PHACTR4: variants seen among roughly 807,000 people sequenced by gnomAD.
PHACTR4 encodes the protein phosphatase and actin regulator 4, also known as protein phosphatase 1, regulatory subunit 124.
Under a neutral mutation model 72.7 loss-of-function variants are expected in PHACTR4, and 51 were observed. The ratio of observed to expected loss-of-function variants is 0.70; its 90% confidence interval spans 0.56 to 0.89. The LOEUF is 0.89. PHACTR4 is among the 40% of genes least tolerant of loss of function. PHACTR4 has a pLI of 0.00. For synonymous variants in PHACTR4, 255 were observed against 302.5 expected, an observed-to-expected ratio of 0.84 and a Z score of 1.63; for missense variants, 731 against 861.8, an observed-to-expected ratio of 0.85 and a Z score of 1.90.
At chr1:28,429,815 C>T (rs1656120721) in intron 2 of PHACTR4, among the ~76,000 whole-genome samples, 1 of 152,110 alleles carries the variant, frequency 6.6e-6, no homozygotes, top group Non-Finnish European at 1.5e-5. Flanking sequence ...TACTTAATAA[C>T]AGAGTATGAT....
chr1:28,393,418 G>A (rs1653216782), intron 1 of PHACTR4, among the ~76,000 whole-genome samples: 1 of 152,074 alleles, frequency 6.6e-6, no homozygotes, highest in African/African-American at 2.4e-5. Flanking sequence ...GTCAATGCTG[G>A]ACTGCACAAA....
intron 1 of PHACTR4, among the ~76,000 whole-genome samples, chr1:28,375,656 A>T (rs1557770999): frequency 6.6e-6 from 1 of 152,210 alleles, no homozygotes; most frequent in Non-Finnish European, 1.5e-5. Flanking sequence ...ACCACACTAC[A>T]GCCTGTGTGG....
At chr1:28,390,363 A>G (rs570377051) in intron 1 of PHACTR4, among the ~76,000 whole-genome samples, 129 of 152,304 alleles carry the variant, frequency 8.5e-4, no homozygotes, top group African/African-American at 2.8e-3. Context: ...GTCAAACTCA[A>G]TCTTACAATT....
At chr1:28,373,001 C>G (rs76297393) in intron 1 of PHACTR4, among the ~76,000 whole-genome samples, 1 of 151,888 alleles carries the variant, frequency 6.6e-6, no homozygotes, top group Non-Finnish European at 1.5e-5. Context: ...TTCTGTCCCC[C>G]AGGTGGAGTA....
chr1:28,412,517 G>T (rs1007421390), intron 2 of PHACTR4, among the ~76,000 whole-genome samples: 9 of 152,084 alleles, frequency 5.9e-5, no homozygotes, highest in African/African-American at 2.2e-4. Flanking sequence ...CATTCTTAAA[G>T]TTGAATTTAT....
chr1:28,490,832 A>G, intron 10 of PHACTR4, 119 bp from the exon 11 acceptor site: 2 of 1,063,328 alleles, frequency 1.9e-6, no homozygotes, highest in Non-Finnish European at 2.8e-6. Flanking sequence ...AACAAGAGCA[A>G]AACTCCGTCT....
rs545834464 is a variant in PHACTR4 at position 28,402,040 on chromosome 1, G to A, written c.-38-5370G>A. On this transcript the variant is annotated intron_variant, in intron 1 of 13. Transcript: ENST00000373839. ...ATAGCTTAGACTAGAGTGAGAAGTGGTTAAATTATGGATATCTTTTGGAGG... is the reference window on the plus strand; with the variant it reads ...ATAGCTTAGACTAGAGTGAGAAGTGATTAAATTATGGATATCTTTTGGAGG... Among the ~76,000 whole-genome samples, 15 of 152,242 alleles carry A rather than the reference G, an allele frequency of 9.9e-5. No homozygotes were observed. The South Asian group carries it at 2.9e-3, about 29-fold the overall frequency.
intron 2 of PHACTR4, among the ~76,000 whole-genome samples, chr1:28,434,627 T>C (rs1260815753): frequency 1.3e-5 from 2 of 152,168 alleles, no homozygotes; most frequent in African/African-American, 4.8e-5. Context: ...GCCCCTTTCA[T>C]TCTTTAAGTT....
intron 12 of PHACTR4, 123 bp downstream of exon 12, chr1:28,491,910 AT>A (rs1661062736): frequency 8.2e-7 from 1 of 1,216,526 alleles, no homozygotes; most frequent in Non-Finnish European, 1.1e-6. Flanking sequence ...ATAATATTAA[AT>A]TTCAAATCAA....
At chr1:28,370,444 C>T (rs1242042708) in intron 1 of PHACTR4, among the ~76,000 whole-genome samples, 1 of 152,160 alleles carries the variant, frequency 6.6e-6, no homozygotes, top group Non-Finnish European at 1.5e-5. Flanking sequence ...CCACCCTCTA[C>T]ACCCCGGCTC....
At chr1:28,452,900 C>T (rs543334842) in intron 2 of PHACTR4, among the ~76,000 whole-genome samples, 4 of 152,294 alleles carry the variant, frequency 2.6e-5, no homozygotes, top group African/African-American at 9.6e-5. Flanking sequence ...GGGTGGATCA[C>T]TTGAGGTCAG....
At chr1:28,437,047 A>T (rs1406510693) in intron 2 of PHACTR4, among the ~76,000 whole-genome samples, 3 of 152,168 alleles carry the variant, frequency 2.0e-5, no homozygotes, top group African/African-American at 7.2e-5. Flanking sequence ...TCAATCCTAA[A>T]ATACTGTTTC....
At chr1:28,378,721 A>G (rs1328852084) in intron 1 of PHACTR4, among the ~76,000 whole-genome samples, 1 of 151,866 alleles carries the variant, frequency 6.6e-6, no homozygotes, top group East Asian at 1.9e-4. Flanking sequence ...AGAGGCAGAT[A>G]TTGGAGATGT....
intron 2 of PHACTR4, among the ~76,000 whole-genome samples, chr1:28,456,615 C>A (rs534421547): frequency 4.0e-5 from 6 of 151,022 alleles, no homozygotes; most frequent in African/African-American, 9.9e-5. Context: ...GCACATGGCA[C>A]CCTGCCCAAC....
rs1660993865 is a variant in PHACTR4 at position 28,490,852 on chromosome 1, A to C, written c.1817-99A>C. The C allele has an allele frequency of 6.1e-6, 8 of 1,303,276 alleles. No homozygotes were observed. In the East Asian group the frequency reaches 1.9e-4, roughly 30 times the overall value. The allele number at this position is 1,303,276 out of a possible 1,614,324, so 80.7% of individuals were successfully genotyped here. On this transcript the variant is annotated intron_variant, in intron 10 of 13. Transcript: ENST00000373839. ...GAGCAAAACTCCGTCTCAAAAAAAA[A>C]AAACAAAAAAGAAATATCTGTAATG...
intron 1 of PHACTR4, among the ~76,000 whole-genome samples, chr1:28,394,598 CTT>C (rs762426587): frequency 7.8e-5 from 11 of 140,450 alleles, no homozygotes; most frequent in Non-Finnish European, 9.3e-5. Context: ...GCCATCTTTT[CTT>C]TTTTTTTTTT....
In PHACTR4 at chr1:28,496,637, G is replaced by A; in HGVS notation, c.*88G>A. ...ATGGAGGGAACTTTAGCACTTCCCA[G>A]CACAGCCAGAATTGCATCCTCTGGG... On this transcript the variant is annotated 3_prime_UTR_variant, in exon 14 of 14. Coordinates refer to ENST00000373839, the MANE Select transcript of PHACTR4 (RefSeq NM_001048183.3). The A allele has an allele frequency of 6.8e-7, 1 of 1,470,062 alleles. No homozygotes were observed. The highest frequency in any genetic ancestry group is 1.7e-5 in the Admixed American group (1 of 59,672). The allele number at this position is 1,470,062 out of a possible 1,614,324, so 91.1% of individuals were successfully genotyped here. A position where few individuals can be genotyped will look rare whatever the true frequency, so the allele number is the denominator to read the frequency against.
chr1:28,453,733 T>A, intron 2 of PHACTR4: 4 of 1,152,766 alleles, frequency 3.5e-6, no homozygotes, highest in Middle Eastern at 3.0e-4. Flanking sequence ...TTCAGTTAGA[T>A]CCTGAAGTTA....
chr1:28,457,637 A>T (rs901699305), intron 2 of PHACTR4, among the ~76,000 whole-genome samples: 59 of 151,922 alleles, frequency 3.9e-4, no homozygotes, highest in Non-Finnish European at 2.8e-4. Context: ...AAATTTTTTT[A>T]AAAAAGATGT....
Sources: gnomAD v4.1 joint callset for allele counts (sites outside exome capture counted in the v4.1 genomes callset) on GRCh38, gnomAD v4.1.1 for gene constraint, MANE v1.5 for transcripts, NCBI Gene and HGNC (gene_info 2026-07-23, HGNC 2026-07-21) for gene names.